Variants in GSE1 observed in about 807,000 individuals in gnomAD.
GSE1 encodes the protein Gse1 coiled-coil protein, also known as genetic suppressor element 1.
In GSE1, 32 loss-of-function variants were observed where a neutral mutation model predicts 112.6. The ratio of observed to expected loss-of-function variants is 0.28; its 90% confidence interval spans 0.21 to 0.38. The LOEUF (loss-of-function observed/expected upper bound fraction) is 0.38, where lower values mean the gene tolerates loss of function less well. GSE1 is among the 10% of genes least tolerant of loss of function. GSE1 has a pLI of 1.00. For missense variants in GSE1, 2,348 were observed against 1,699.2 expected, an observed-to-expected ratio of 1.38 and a Z score of -6.71; for synonymous variants, 1,115 against 735.6, an observed-to-expected ratio of 1.52 and a Z score of -8.35.
chr16:85,190,012 G>A (rs889850288), intron 1 of GSE1, among the ~76,000 whole-genome samples: 2 of 152,140 alleles, frequency 1.3e-5, no homozygotes, highest in Non-Finnish European at 2.9e-5. Context: ...ATCATCTTTT[G>A]CACTTGTCAC....
intron 2 of GSE1, among the ~76,000 whole-genome samples, chr16:85,358,890 C>T (rs541240689): frequency 3.3e-5 from 5 of 152,300 alleles, no homozygotes; most frequent in South Asian, 2.1e-4. Flanking sequence ...AGGCCATTGT[C>T]GGGGAGGAAT....
chr16:85,411,017 C>T (rs2048521537), intron 2 of GSE1, among the ~76,000 whole-genome samples: 1 of 85,876 alleles, frequency 1.2e-5, no homozygotes, highest in Non-Finnish European at 2.2e-5. Context: ...CTCAGAGCCC[C>T]CCTGGATAAT....
chr16:85,588,560 C>T (rs1360083331), intron 1 of GSE1, among the ~76,000 whole-genome samples: 3 of 152,204 alleles, frequency 2.0e-5, no homozygotes, highest in East Asian at 1.9e-4. Flanking sequence ...TCTCCTGCCT[C>T]GCCAGAGAAC....
chr16:85,382,412 C>T (rs2047567946), intron 2 of GSE1, among the ~76,000 whole-genome samples: 1 of 152,234 alleles, frequency 6.6e-6, no homozygotes, highest in Non-Finnish European at 1.5e-5. Flanking sequence ...TCCTCTGTTT[C>T]AGAGGCCACA....
intron 1 of GSE1, among the ~76,000 whole-genome samples, chr16:85,561,684 G>T (rs1406316031): frequency 6.6e-6 from 1 of 152,236 alleles, no homozygotes; most frequent in Non-Finnish European, 1.5e-5. Flanking sequence ...GGCCCCAGCT[G>T]CCCCCGGAGG....
intron 2 of GSE1, among the ~76,000 whole-genome samples, chr16:85,412,959 C>T (rs575753341): frequency 3.9e-5 from 6 of 152,304 alleles, no homozygotes; most frequent in South Asian, 2.1e-4. Flanking sequence ...GTGAAGCCAT[C>T]GGCCCGGGTG....
At chr16:85,234,911 C>CT (rs1432908677) in intron 1 of GSE1, among the ~76,000 whole-genome samples, 1 of 152,274 alleles carries the variant, frequency 6.6e-6, no homozygotes, top group East Asian at 1.9e-4. Context: ...CTGCCGGCGC[C>CT]TTTATCTACT....
At chr16:85,215,994 G>C (rs1232456735) in intron 1 of GSE1, among the ~76,000 whole-genome samples, 2 of 152,184 alleles carry the variant, frequency 1.3e-5, no homozygotes, top group Non-Finnish European at 2.9e-5. Flanking sequence ...AGACATACTT[G>C]ACACGTGTTC....
intron 1 of GSE1, among the ~76,000 whole-genome samples, chr16:85,235,126 G>A (rs1267778198): frequency 6.6e-6 from 1 of 152,046 alleles, no homozygotes; most frequent in African/African-American, 2.4e-5. Context: ...ACTCCTCACC[G>A]CTGCCCCTCC....
intron 2 of GSE1, among the ~76,000 whole-genome samples, chr16:85,448,257 G>A (rs2151796585): frequency 6.6e-6 from 1 of 152,120 alleles, no homozygotes; most frequent in African/African-American, 2.4e-5. Flanking sequence ...CCCAAGCTTA[G>A]GGATTCTGGG....
chr16:85,468,131 C>T (rs983543990), intron 2 of GSE1, among the ~76,000 whole-genome samples: 16 of 152,024 alleles, frequency 1.1e-4, no homozygotes, highest in African/African-American at 3.6e-4. Context: ...GATGGATTCC[C>T]ACCTTTTGGG....
At chr16:85,524,817 G>A (rs1009311279) in intron 2 of GSE1, among the ~76,000 whole-genome samples, 1 of 152,158 alleles carries the variant, frequency 6.6e-6, no homozygotes, top group Non-Finnish European at 1.5e-5. Flanking sequence ...ACACCCTAGG[G>A]AAACTGAGGC....
At chr16:85,378,417 G>C (rs868318820) in intron 2 of GSE1, among the ~76,000 whole-genome samples, 1 of 152,172 alleles carries the variant, frequency 6.6e-6, no homozygotes, top group Non-Finnish European at 1.5e-5. Context: ...GTGGGCATGT[G>C]TGGGAGGGTG....
intron 2 of GSE1, among the ~76,000 whole-genome samples, chr16:85,464,131 C>A (rs1161481866): frequency 2.6e-5 from 4 of 152,192 alleles, no homozygotes; most frequent in Non-Finnish European, 5.9e-5. Flanking sequence ...TGCCCGCCCA[C>A]CCCTCCTCTC....
chr16:85,186,088 C>G (rs1434652027), intron 1 of GSE1, among the ~76,000 whole-genome samples: 1 of 152,194 alleles, frequency 6.6e-6, no homozygotes, highest in Non-Finnish European at 1.5e-5. Context: ...TGTTCTATGT[C>G]CCCCTAGGCT....
intron 1 of GSE1, among the ~76,000 whole-genome samples, chr16:85,563,114 C>A (rs2045595461): frequency 6.6e-6 from 1 of 151,604 alleles, no homozygotes; most frequent in South Asian, 2.1e-4. Context: ...ACCGTGTATT[C>A]GAAGGGAAGA....
intron 1 of GSE1, among the ~76,000 whole-genome samples, chr16:85,190,440 A>G (rs1207826144): frequency 1.3e-5 from 2 of 152,202 alleles, no homozygotes; most frequent in Admixed American, 1.3e-4. Context: ...AGTATTTGTG[A>G]CCTTCTGTGC....
intron 2 of GSE1, among the ~76,000 whole-genome samples, chr16:85,420,876 C>A (rs2048826256): frequency 6.6e-6 from 1 of 152,126 alleles, no homozygotes; most frequent in Admixed American, 6.5e-5. Context: ...CACGGGGGCG[C>A]CCCTACCGGC....
chr16:85,377,225 G>T (rs2047440980), intron 2 of GSE1, among the ~76,000 whole-genome samples: 1 of 152,176 alleles, frequency 6.6e-6, no homozygotes, highest in Admixed American at 6.5e-5. Context: ...ATCTCTCTGT[G>T]CTTCTCTCTG....
Sources: allele counts gnomAD v4.1 joint callset (sites outside exome capture counted in the v4.1 genomes callset), GRCh38; gene constraint gnomAD v4.1.1; transcripts MANE v1.5; gene names NCBI Gene and HGNC (gene_info 2026-07-23, HGNC 2026-07-21).